Variants in LRBA observed in about 807,000 individuals in gnomAD.
LRBA encodes the protein lipopolysaccharide-responsive and beige-like anchor protein.
In LRBA, 176 loss-of-function variants were observed where a neutral mutation model predicts 330.0. The observed-to-expected ratio is 0.53, with a 90% CI of 0.47 to 0.60. The LOEUF (loss-of-function observed/expected upper bound fraction) is 0.60, where lower values mean the gene tolerates loss of function less well. Among genes scored for constraint, LRBA ranks in the 20% least tolerant of loss-of-function variants. The pLI, the probability that LRBA is intolerant of heterozygous loss-of-function variation, is 0.00. For synonymous variants in LRBA, 1,230 were observed against 1,193.0 expected, an observed-to-expected ratio of 1.03 and a Z score of -0.64; for missense variants, 3,259 against 3,444.8, an observed-to-expected ratio of 0.95 and a Z score of 1.35.
At position 150,849,518 on chromosome 4, in the gene LRBA, T is replaced by C. The variant is rs763176200; in HGVS notation, c.4062A>G (p.Val1354=). Residue 1354 remains valine (V), a synonymous_variant, in exon 25 of 57, where the codon GTA becomes GTG. Coordinates refer to ENST00000651943, the MANE Select transcript of LRBA (RefSeq NM_001364905.1). ...FVNSSDNVIF[V]HNTIHLISQV... ...GAGAGATGAGATGAATTGTGTTGTG[T>C]ACAAAGATGACATTATCACTGCTAT... The C allele has an allele frequency of 5.0e-6, 8 of 1,613,264 alleles. No homozygotes were observed. The Admixed American group carries it at 6.7e-5, about 13-fold the overall frequency.
chr4:150,449,858 A>G (rs1351708333), intron 44 of LRBA, among the ~76,000 whole-genome samples: 1 of 152,172 alleles, frequency 6.6e-6, no homozygotes, highest in Non-Finnish European at 1.5e-5. Context: ...AAAATAATCT[A>G]AAAGAAGCAC....
At chr4:150,652,088 G>T (rs960973265) in intron 37 of LRBA, among the ~76,000 whole-genome samples, 3 of 152,052 alleles carry the variant, frequency 2.0e-5, no homozygotes, top group Non-Finnish European at 4.4e-5. Flanking sequence ...CAGCTGACTC[G>T]GCCTCCCAAA....
At chr4:150,851,000 C>T (rs1420119343) in intron 23 of LRBA, 98 bp from the exon 24 acceptor site, 1 of 813,676 alleles carries the variant, frequency 1.2e-6, no homozygotes, top group Non-Finnish European at 1.9e-6. Flanking sequence ...ATTCATCTAA[C>T]ACGTTTTTAA....
At chr4:150,590,100 G>C (rs944871886) in intron 39 of LRBA, among the ~76,000 whole-genome samples, 1 of 152,134 alleles carries the variant, frequency 6.6e-6, no homozygotes, top group Non-Finnish European at 1.5e-5. Context: ...GAGGGACAGA[G>C]CCACAGGTAT....
At chr4:150,271,420 C>T (rs1024692863) in intron 56 of LRBA, among the ~76,000 whole-genome samples, 1 of 151,528 alleles carries the variant, frequency 6.6e-6, no homozygotes, top group Admixed American at 6.6e-5. Flanking sequence ...TGGTCTGGCT[C>T]GGTGGGTCCC....
At chr4:150,804,206 A>C (rs1021086158) in intron 33 of LRBA, among the ~76,000 whole-genome samples, 2 of 152,196 alleles carry the variant, frequency 1.3e-5, no homozygotes, top group African/African-American at 4.8e-5. Flanking sequence ...TTCATAGCTA[A>C]ATAAATTATA....
At chr4:150,268,948 G>T (rs10014952) in intron 56 of LRBA, among the ~76,000 whole-genome samples, 4 of 152,028 alleles carry the variant, frequency 2.6e-5, no homozygotes, top group Admixed American at 2.6e-4. Context: ...AACTGTCTCT[G>T]TTTACAGATG....
At chr4:150,828,765 T>C (rs1259552803) in intron 29 of LRBA, 144 bp from the exon 30 acceptor site, 6 of 661,616 alleles carry the variant, frequency 9.1e-6, no homozygotes, top group Non-Finnish European at 1.6e-5. Flanking sequence ...TAATTACGTA[T>C]TCTACAGAAT....
chr4:150,599,042 T>A lies in LRBA; in HGVS notation c.6011A>T (p.His2004Leu). The change falls in exon 38 of 57, where the codon CAT (histidine) becomes CTT (leucine). Residue 2004 changes from histidine (H) to leucine (L), a missense_variant. His to Leu is a moderately conservative substitution (Grantham distance 99, BLOSUM62 -3). Transcript: ENST00000651943. ...GGCTGTTTTTAGTGTCGCTTCAGGA[T>A]GTGTCGATCCTAGAGGGTTACGCAC... The part of the protein sequence containing the change: ...RFVRNPLGST[H>L]PEATLKTAVE... The A allele has an allele frequency of 6.2e-7, 1 of 1,614,094 alleles. No homozygotes were observed. The highest frequency in any genetic ancestry group is 8.5e-7 in the Non-Finnish European group (1 of 1,179,974).
chr4:150,415,714 T>C (rs1249820708), intron 46 of LRBA, 124 bp from the exon 47 acceptor site: 1 of 603,582 alleles, frequency 1.7e-6, no homozygotes, highest in African/African-American at 1.9e-5. Context: ...AATTTTTTTT[T>C]CTTTGCATAT....
intron 35 of LRBA, among the ~76,000 whole-genome samples, chr4:150,760,235 T>G (rs963210521): frequency 6.6e-6 from 1 of 152,008 alleles, no homozygotes; most frequent in African/African-American, 2.4e-5. Flanking sequence ...ACTAAAAGAG[T>G]AAAGAATTAG....
chr4:150,931,477 G>C lies in LRBA; in HGVS notation c.217-2412C>G, dbSNP rs569514030. Among the ~76,000 whole-genome samples the C allele has an allele frequency of 8.6e-5, 13 of 151,500 alleles. No homozygotes were observed. The South Asian group carries it at 2.7e-3, about 32-fold the overall frequency. ...CAAAGATCATTTCATCAAAAGGTTA[G>C]TGGCTGGGCATGGTGGTTCACACCT... On this transcript the variant is annotated intron_variant, in intron 2 of 56. Transcript: ENST00000651943.
At chr4:150,548,250 T>A (rs1428184163) in intron 40 of LRBA, among the ~76,000 whole-genome samples, 1 of 152,152 alleles carries the variant, frequency 6.6e-6, no homozygotes, top group Non-Finnish European at 1.5e-5. Context: ...TTCATAAACA[T>A]CCCCAAACCA....
intron 40 of LRBA, among the ~76,000 whole-genome samples, chr4:150,577,586 CTTTCT>C (rs1003908009): frequency 6.6e-6 from 1 of 151,942 alleles, no homozygotes; most frequent in African/African-American, 2.4e-5. Context: ...TCCAGAAATG[CTTTCT>C]TTTCTTAAGT....
chr4:150,533,111 T>G (rs1581600995), intron 40 of LRBA, among the ~76,000 whole-genome samples: 1 of 152,332 alleles, frequency 6.6e-6, no homozygotes, highest in East Asian at 1.9e-4. Context: ...TAGATAACAA[T>G]GTTAGCAACT....
intron 8 of LRBA, 45 bp from the exon 9 acceptor site, chr4:150,914,386 A>C (rs767064486): frequency 8.7e-6 from 12 of 1,371,818 alleles, no homozygotes; most frequent in African/African-American, 2.9e-5. Flanking sequence ...ACAAAAAAAA[A>C]CTCCAGAAAT....
At chr4:150,772,068 C>A (rs1736653696) in intron 34 of LRBA, among the ~76,000 whole-genome samples, 1 of 152,112 alleles carries the variant, frequency 6.6e-6, no homozygotes, top group South Asian at 2.1e-4. Flanking sequence ...AGTCTCTGAC[C>A]ATCCAGACAA....
chr4:150,462,597 C>T (rs1292323796), intron 44 of LRBA, among the ~76,000 whole-genome samples: 6 of 151,580 alleles, frequency 4.0e-5, no homozygotes, highest in African/African-American at 7.3e-5. Context: ...ATTCCCAGTG[C>T]AACATGGAAG....
intron 25 of LRBA, 150 bp downstream of exon 25, chr4:150,849,272 G>A (rs777014195): frequency 1.5e-4 from 105 of 684,638 alleles, no homozygotes; most frequent in Non-Finnish European, 1.3e-4. Flanking sequence ...TACTAGAACA[G>A]ATTCTAAGGT....
Sources: allele counts gnomAD v4.1 joint callset (sites outside exome capture counted in the v4.1 genomes callset), GRCh38; gene constraint gnomAD v4.1.1; transcripts MANE v1.5; gene names NCBI Gene and HGNC (gene_info 2026-07-23, HGNC 2026-07-21).